TTLL7: variants seen among roughly 807,000 people sequenced by gnomAD.
TTLL7 encodes the protein tubulin polyglutamylase TTLL7.
TTLL7 carries 53 observed loss-of-function variants against 120.2 expected under a neutral mutation model. That is an observed-to-expected ratio of 0.44 (90% CI 0.35 to 0.55). The LOEUF (loss-of-function observed/expected upper bound fraction) is 0.55. Ranked by LOEUF, TTLL7 falls within the 20% of genes least tolerant of loss-of-function variation. The probability of loss-of-function intolerance (pLI) is 0.00; values close to 1 mark genes in which losing one functional copy is unlikely to be tolerated. For missense variants in TTLL7, 803 were observed against 1,054.7 expected (o/e 0.76, Z 3.31); for synonymous variants, 353 against 351.7 (o/e 1.00, Z -0.04).
rs1029434115 is a variant in TTLL7, at chr1:83,867,457, G to A, written c.*2505C>T. The A allele has an allele frequency of 6.6e-6, 1 of 151,994 alleles. No homozygotes were observed. The highest frequency in any genetic ancestry group is 1.5e-5 in the Non-Finnish European group (1 of 67,916). 9.4% of individuals were successfully genotyped at this position (151,994 alleles called of 1,614,324 possible). A position where few individuals can be genotyped will look rare whatever the true frequency, so the allele number is the denominator to read the frequency against. Reference sequence around the variant, plus strand: ...AAATAAGGCCAGACATAAGTAGCTAGAGAAATGAAATTTATTTGTTGAAAT... The same window carrying A: ...AAATAAGGCCAGACATAAGTAGCTAAAGAAATGAAATTTATTTGTTGAAAT... On this transcript the variant is annotated 3_prime_UTR_variant, in exon 21 of 21. Transcript: ENST00000260505.
chr1:83,967,822 G>A (rs181096514), intron 1 of TTLL7, among the ~76,000 whole-genome samples: 3 of 151,516 alleles, frequency 2.0e-5, no homozygotes, highest in Non-Finnish European at 2.9e-5. Flanking sequence ...TTTCCAAAAC[G>A]CTGGAATGAG....
chr1:83,990,804 A>C (rs564489320), intron 1 of TTLL7, among the ~76,000 whole-genome samples: 1 of 152,310 alleles, frequency 6.6e-6, no homozygotes, highest in Admixed American at 6.5e-5. Context: ...CTCAAAAATT[A>C]AAAATAGAAC....
At chr1:83,966,424 A>G (rs1024753414) in intron 1 of TTLL7, among the ~76,000 whole-genome samples, 7 of 151,612 alleles carry the variant, frequency 4.6e-5, no homozygotes, top group African/African-American at 1.7e-4. Flanking sequence ...TTCTGTTTCT[A>G]TGAATAACCC....
intron 15 of TTLL7, among the ~76,000 whole-genome samples, chr1:83,910,702 C>A (rs1319901782): frequency 6.6e-6 from 1 of 152,080 alleles, no homozygotes; most frequent in Non-Finnish European, 1.5e-5. Context: ...AAAACTCCAA[C>A]TATTTCACAA....
At chr1:83,903,448 G>A (rs1246862385) in intron 18 of TTLL7, among the ~76,000 whole-genome samples, 2 of 151,756 alleles carry the variant, frequency 1.3e-5, no homozygotes, top group Middle Eastern at 3.4e-3. Flanking sequence ...ATAGTACTTA[G>A]TACAGTCATC....
intron 19 of TTLL7, among the ~76,000 whole-genome samples, chr1:83,885,869 C>A (rs886793590): frequency 4.6e-5 from 7 of 151,914 alleles, no homozygotes. Flanking sequence ...GTTAAAATAC[C>A]AGTGCTTTTA....
At chr1:83,973,823 G>T (rs150241467) in intron 1 of TTLL7, among the ~76,000 whole-genome samples, 1 of 152,068 alleles carries the variant, frequency 6.6e-6, no homozygotes, top group East Asian at 1.9e-4. Context: ...AAGCAGGCAA[G>T]ACTAAATCTA....
chr1:83,955,776 A>G (rs947240452), intron 1 of TTLL7, among the ~76,000 whole-genome samples: 1 of 152,110 alleles, frequency 6.6e-6, no homozygotes, highest in Non-Finnish European at 1.5e-5. Context: ...ATACTTTGGG[A>G]GGCCTAGGCA....
intron 20 of TTLL7, among the ~76,000 whole-genome samples, chr1:83,881,793 G>A (rs1372849688): frequency 2.7e-5 from 4 of 150,778 alleles, no homozygotes; most frequent in African/African-American, 7.3e-5. Context: ...GCACACGTAT[G>A]TTTATTGCGG....
At chr1:83,955,154 A>G (rs1210616960) in intron 1 of TTLL7, among the ~76,000 whole-genome samples, 1 of 152,144 alleles carries the variant, frequency 6.6e-6, no homozygotes, top group Non-Finnish European at 1.5e-5. Context: ...TTCTCTGATT[A>G]TATCTGAAGA....
At chr1:83,950,589 C>T (rs909692963) in intron 3 of TTLL7, among the ~76,000 whole-genome samples, 8 of 152,160 alleles carry the variant, frequency 5.3e-5, no homozygotes, top group African/African-American at 1.9e-4. Flanking sequence ...TTAGTACAAA[C>T]TATTCATGTG....
intron 14 of TTLL7, among the ~76,000 whole-genome samples, chr1:83,917,022 G>A (rs907746067): frequency 1.3e-5 from 2 of 151,264 alleles, no homozygotes; most frequent in African/African-American, 4.9e-5. Context: ...GATCACTTGA[G>A]CCCAGGAGTG....
chr1:83,890,207 C>T, intron 19 of TTLL7, 114 bp downstream of exon 19: 1 of 1,037,812 alleles, frequency 9.6e-7, no homozygotes, highest in Non-Finnish European at 1.4e-6. Context: ...ACATTACATG[C>T]AGTAAAAGAA....
At chr1:83,889,989 A>G (rs973109560) in intron 19 of TTLL7, 1 of 475,656 alleles carries the variant, frequency 2.1e-6, no homozygotes, top group South Asian at 1.5e-5. Context: ...CAGCAGCTTT[A>G]GCAGCACTAG....
At chr1:83,886,378 C>A (rs1654976088) in intron 19 of TTLL7, among the ~76,000 whole-genome samples, 1 of 151,970 alleles carries the variant, frequency 6.6e-6, no homozygotes, top group African/African-American at 2.4e-5. Flanking sequence ...TTTTCCTCTT[C>A]CAGGCTGCTG....
At chr1:83,915,339 A>C (rs1456953706) in intron 14 of TTLL7, among the ~76,000 whole-genome samples, 4 of 152,220 alleles carry the variant, frequency 2.6e-5, no homozygotes, top group Non-Finnish European at 5.9e-5. Flanking sequence ...ATAATGCCGC[A>C]GGTCTACAAC....
intron 1 of TTLL7, among the ~76,000 whole-genome samples, chr1:83,995,841 T>G (rs1034780082): frequency 6.6e-6 from 1 of 152,188 alleles, no homozygotes; most frequent in Non-Finnish European, 1.5e-5. Context: ...CATCAATAAT[T>G]GTTTATTATG....
intron 18 of TTLL7, among the ~76,000 whole-genome samples, chr1:83,895,765 T>G (rs1477832841): frequency 6.6e-6 from 1 of 152,068 alleles, no homozygotes; most frequent in Non-Finnish European, 1.5e-5. Context: ...CAGCACTGCC[T>G]CACAATTTAG....
At chr1:83,946,530 A>G (rs1179889410) in intron 6 of TTLL7, 1 of 152,228 alleles carries the variant, frequency 6.6e-6, no homozygotes, top group Non-Finnish European at 1.5e-5. Flanking sequence ...TACCGTGTAT[A>G]ATTGTACATG....
Sources: gnomAD v4.1 joint callset for allele counts (sites outside exome capture counted in the v4.1 genomes callset) on GRCh38, gnomAD v4.1.1 for gene constraint, MANE v1.5 for transcripts, NCBI Gene and HGNC (gene_info 2026-07-23, HGNC 2026-07-21) for gene names.